The following DPP6 variants were observed in gnomAD, a reference collection of about 807,000 sequenced individuals.
DPP6 encodes the protein dipeptidyl peptidase like 6, also known as A-type potassium channel modulatory protein DPP6.
Under a neutral mutation model 122.6 loss-of-function variants are expected in DPP6, and 69 were observed. The ratio of observed to expected loss-of-function variants is 0.56; its 90% CI spans 0.46 to 0.69. The LOEUF (loss-of-function observed/expected upper bound fraction) is 0.69. Among genes scored for constraint, DPP6 ranks in the 30% least tolerant of loss-of-function variants. DPP6 has a pLI of 0.00. For missense variants in DPP6, 928 were observed against 1,116.9 expected, an observed-to-expected ratio of 0.83 and a Z score of 2.41; for synonymous variants, 418 against 433.1, an observed-to-expected ratio of 0.97 and a Z score of 0.43.
chr7:154,063,506 G>GGT (rs1802387662), intron 1 of DPP6, among the ~76,000 whole-genome samples: 1 of 125,074 alleles, frequency 8.0e-6, no homozygotes, highest in Non-Finnish European at 1.7e-5. Context: ...TGGCTCTTAA[G>GGT]ACCCCCATCG....
intron 1 of DPP6, among the ~76,000 whole-genome samples, chr7:154,223,504 GT>G (rs1249810884): frequency 6.7e-6 from 1 of 149,394 alleles, no homozygotes; most frequent in Non-Finnish European, 1.5e-5. Flanking sequence ...GGAGATGCTG[GT>G]AACAGCCTCT....
Position 154,463,195 on chromosome 7 carries a change from CTTTTTTTTTTT to C in DPP6, c.359-11724_359-11714del, listed in dbSNP as rs368362408. On this transcript the variant is annotated intron_variant, in intron 2 of 25. Coordinates refer to ENST00000377770, the MANE Select transcript of DPP6 (RefSeq NM_130797.4). ...GCTTTTTACCTTTACTTCTCCTTTT[CTTTTTTTTTTT>C]TTTTTTTTTTTTTTTTTTTGAGACG... 1.3e-3 allele frequency among the ~76,000 whole-genome samples: 108 copies of C among 84,126 alleles called. 2 individuals are homozygous for C. The East Asian group carries it at 0.026, about 20-fold the overall frequency. The allele number at this position is 84,126 out of a possible 152,430, so 55.2% of individuals were successfully genotyped here.
the DPP6 span, among the ~76,000 whole-genome samples, chr7:153,821,371 GTGT>G: frequency 3.8e-4 from 51 of 135,206 alleles, no homozygotes; most frequent in African/African-American, 1.3e-3. Context: ...GGAACCACAG[GTGT>G]TGTTTTAGTA....
At position 154,444,760 on chromosome 7, in the gene DPP6, A is replaced by G. The variant is rs564263945; in HGVS notation, c.244-1454A>G. On this transcript the variant is annotated intron_variant, in intron 1 of 25. Transcript: ENST00000377770. Reference sequence around the variant, plus strand: ...AGGTGAAATGAAAAGCTGCTGAATTAGCAAGATCTAATTACTTATCCTTGG... The same window carrying G: ...AGGTGAAATGAAAAGCTGCTGAATTGGCAAGATCTAATTACTTATCCTTGG... Among the ~76,000 whole-genome samples the G allele has an allele frequency of 3.9e-5, 6 of 152,386 alleles. No homozygotes were observed. The South Asian group carries it at 1.2e-3, about 32-fold the overall frequency.
chr7:154,478,325 A>G (rs997891000), intron 3 of DPP6, among the ~76,000 whole-genome samples: 3 of 152,136 alleles, frequency 2.0e-5, no homozygotes, highest in Non-Finnish European at 2.9e-5. Flanking sequence ...TGCTGGGCCC[A>G]AAAGCGGTGA....
At chr7:154,007,204 T>G (rs1797947940) in intron 1 of DPP6, among the ~76,000 whole-genome samples, 2 of 152,220 alleles carry the variant, frequency 1.3e-5, no homozygotes, top group African/African-American at 4.8e-5. Flanking sequence ...CAGCAAACAC[T>G]TTACTCTCAC....
intron 5 of DPP6, among the ~76,000 whole-genome samples, chr7:154,580,949 C>T (rs936237476): frequency 1.3e-5 from 2 of 152,188 alleles, no homozygotes; most frequent in Non-Finnish European, 2.9e-5. Flanking sequence ...CAGAAGCCTT[C>T]CCAGTGCCTA....
chr7:154,330,290 G>A (rs1252498625), intron 1 of DPP6, among the ~76,000 whole-genome samples: 4 of 152,220 alleles, frequency 2.6e-5, no homozygotes. Flanking sequence ...AGATGGCAGA[G>A]GCTTTCATGT....
chr7:153,908,279 A>G (rs1477353872), intron 1 of DPP6, among the ~76,000 whole-genome samples: 1 of 152,166 alleles, frequency 6.6e-6, no homozygotes, highest in Non-Finnish European at 1.5e-5. Context: ...GTGAAGGGCT[A>G]AGAAATGTGT....
chr7:154,256,267 G>T (rs999306611), intron 1 of DPP6, among the ~76,000 whole-genome samples: 2 of 152,134 alleles, frequency 1.3e-5, no homozygotes, highest in African/African-American at 4.8e-5. Context: ...TAGTGGAAAG[G>T]TTTCATAAAC....
At chr7:154,057,669 G>A (rs1163844836) in intron 1 of DPP6, 1 of 150,622 alleles carries the variant, frequency 6.6e-6, no homozygotes, top group Non-Finnish European at 1.5e-5. Flanking sequence ...CCAAGCCTTT[G>A]TATGAGGTCA....
upstream of DPP6, among the ~76,000 whole-genome samples, chr7:154,050,761 C>T (rs566346695): frequency 1.4e-5 from 2 of 147,764 alleles, no homozygotes; most frequent in South Asian, 4.4e-4. Context: ...TTAGCTGTTG[C>T]AATCCTGGTT....
intron 7 of DPP6, among the ~76,000 whole-genome samples, chr7:154,703,967 A>G (rs1478889587): frequency 6.6e-6 from 1 of 152,202 alleles, no homozygotes; most frequent in Non-Finnish European, 1.5e-5. Flanking sequence ...TACGTTTCAT[A>G]AAGCTATAGC....
chr7:154,187,356 A>G (rs755559470), intron 1 of DPP6, among the ~76,000 whole-genome samples: 3 of 152,184 alleles, frequency 2.0e-5, no homozygotes, highest in Admixed American at 6.5e-5. Flanking sequence ...GAGTATTGGA[A>G]TCACTGTTTT....
At chr7:154,118,040 G>C (rs1253136299) in intron 1 of DPP6, among the ~76,000 whole-genome samples, 5 of 150,152 alleles carry the variant, frequency 3.3e-5, no homozygotes, top group Non-Finnish European at 7.4e-5. Context: ...AAGACAATGA[G>C]ACTAAACAAG....
intron 1 of DPP6, among the ~76,000 whole-genome samples, chr7:154,060,463 T>G (rs1327433164): frequency 1.1e-5 from 1 of 94,880 alleles, no homozygotes; most frequent in Non-Finnish European, 2.1e-5. Flanking sequence ...CTCTTCCCCC[T>G]CTGGCTTAGG....
At chr7:154,067,078 C>CTA (rs1323918961) in intron 1 of DPP6, among the ~76,000 whole-genome samples, 1 of 130,466 alleles carries the variant, frequency 7.7e-6, no homozygotes, top group Non-Finnish European at 1.6e-5. Context: ...GGGCTAGTGG[C>CTA]TACCATATTG....
intron 1 of DPP6, among the ~76,000 whole-genome samples, chr7:154,129,374 A>G (rs1808190658): frequency 6.6e-6 from 1 of 151,960 alleles, no homozygotes; most frequent in African/African-American, 2.4e-5. Flanking sequence ...TGTGGACCAG[A>G]GTTCATTTTT....
At chr7:153,848,034 A>G in the DPP6 span, among the ~76,000 whole-genome samples, 1 of 152,190 alleles carries the variant, frequency 6.6e-6, no homozygotes, top group Non-Finnish European at 1.5e-5. Context: ...GACACTGGTC[A>G]AGCGACGGAT....
Sources: gnomAD v4.1 joint callset for allele counts (sites outside exome capture counted in the v4.1 genomes callset) on GRCh38, gnomAD v4.1.1 for gene constraint, MANE v1.5 for transcripts, NCBI Gene and HGNC (gene_info 2026-07-23, HGNC 2026-07-21) for gene names.